The following KCNQ5 variants were observed in gnomAD, a reference collection of about 807,000 sequenced individuals.
KCNQ5 encodes potassium voltage-gated channel subfamily Q member 5.
KCNQ5 carries 30 observed loss-of-function variants against 98.2 expected under a neutral mutation model. The observed-to-expected ratio is 0.31, with a 90% CI of 0.23 to 0.41. KCNQ5 has a LOEUF of 0.41. Ranked by LOEUF, KCNQ5 falls within the 10% of genes least tolerant of loss-of-function variation. The pLI is 1.00. For synonymous variants in KCNQ5, 458 were observed against 449.4 expected (o/e 1.02, Z -0.24); for missense variants, 835 against 1,182.5 (o/e 0.71, Z 4.31).
Position 73,195,543 on chromosome 6 carries a change from C to T in KCNQ5, c.*129C>T, listed in dbSNP as rs895676733. Reference sequence around the variant, plus strand: ...AAGAACATGAAAGGCAGTTTATAAGCCCGTTACCTTTTAATTGCATGAAAA... The same window carrying T: ...AAGAACATGAAAGGCAGTTTATAAGTCCGTTACCTTTTAATTGCATGAAAA... On this transcript the variant is annotated 3_prime_UTR_variant, in exon 14 of 14. Transcript: ENST00000370398. The T allele has an allele frequency of 2.5e-5, 30 of 1,192,398 alleles. No individual in the cohort carries two copies. In the African/African-American group the frequency reaches 4.1e-4, roughly 16 times the overall value. 73.9% of individuals were successfully genotyped at this position (1,192,398 alleles called of 1,614,324 possible).
intron 9 of KCNQ5, chr6:73,129,940 C>A: frequency 1.0e-6 from 1 of 988,372 alleles, no homozygotes; most frequent in Non-Finnish European, 1.6e-6. Flanking sequence ...CCACCTGAGC[C>A]CTGTTCAGAG....
chr6:72,773,159 C>G (rs2154477530), intron 1 of KCNQ5, among the ~76,000 whole-genome samples: 1 of 152,286 alleles, frequency 6.6e-6, no homozygotes, highest in East Asian at 1.9e-4. Context: ...ATAAATCATT[C>G]TACTACAAAG....
intron 7 of KCNQ5, among the ~76,000 whole-genome samples, chr6:73,117,589 T>A (rs982090937): frequency 6.6e-6 from 1 of 152,252 alleles, no homozygotes; most frequent in Non-Finnish European, 1.5e-5. Context: ...TCTGTTGTTT[T>A]GGATTTTTTC....
intron 1 of KCNQ5, among the ~76,000 whole-genome samples, chr6:72,902,929 G>A (rs1328334768): frequency 6.6e-6 from 1 of 151,930 alleles, no homozygotes; most frequent in African/African-American, 2.4e-5. Context: ...TTATTTGAGT[G>A]TCGGGTAGAA....
chr6:72,910,935 G>A (rs1347420128), intron 1 of KCNQ5, among the ~76,000 whole-genome samples: 1 of 152,150 alleles, frequency 6.6e-6, no homozygotes, highest in Non-Finnish European at 1.5e-5. Context: ...TTGCAAGGGA[G>A]GATAAGTGAA....
At chr6:73,030,801 C>A (rs983019696) in intron 2 of KCNQ5, among the ~76,000 whole-genome samples, 4 of 152,176 alleles carry the variant, frequency 2.6e-5, no homozygotes, top group African/African-American at 9.7e-5. Flanking sequence ...CCTGCCAATA[C>A]CCTTTTCTCC....
chr6:72,670,557 A>G (rs1767051206), intron 1 of KCNQ5, among the ~76,000 whole-genome samples: 1 of 152,186 alleles, frequency 6.6e-6, no homozygotes, highest in Non-Finnish European at 1.5e-5. Context: ...CTGCCATAAT[A>G]AAATGCCATA....
At chr6:72,858,134 C>T (rs569709637) in intron 1 of KCNQ5, among the ~76,000 whole-genome samples, 34 of 152,270 alleles carry the variant, frequency 2.2e-4, no homozygotes, top group African/African-American at 8.2e-4. Flanking sequence ...ATATGGAGTA[C>T]ACCTTAGAAT....
At chr6:73,157,927 A>T (rs1777434231) in intron 10 of KCNQ5, 1 of 773,712 alleles carries the variant, frequency 1.3e-6, no homozygotes, top group South Asian at 1.3e-5. Context: ...GCTGTCAAAG[A>T]TCACAAAACA....
At chr6:72,962,985 G>GA (rs1767445878) in intron 1 of KCNQ5, among the ~76,000 whole-genome samples, 1 of 151,630 alleles carries the variant, frequency 6.6e-6, no homozygotes, top group African/African-American at 2.4e-5. Context: ...CTTCTCAGAG[G>GA]AAAAAAATGG....
At position 73,157,713 on chromosome 6, in the gene KCNQ5, C is replaced by A. The variant is rs1253654099; in HGVS notation, c.1469-12033C>A. 4 of 776,630 alleles carry A rather than the reference C, an allele frequency of 5.2e-6. No homozygotes were observed. The East Asian group carries it at 7.3e-5, about 14-fold the overall frequency. 48.1% of individuals were successfully genotyped at this position (776,630 alleles called of 1,614,324 possible). The stretch of plus-strand genomic sequence containing the variant: ...CTGGGCATGCAGGCATCAGAGCAGC[C>A]CCCATCAGGTCATAGGGGTCCCGAG... On this transcript the variant is annotated intron_variant, in intron 10 of 13. Coordinates refer to ENST00000370398, the MANE Select transcript of KCNQ5 (RefSeq NM_019842.4).
At chr6:72,792,432 T>C (rs1263243021) in intron 1 of KCNQ5, among the ~76,000 whole-genome samples, 3 of 152,202 alleles carry the variant, frequency 2.0e-5, no homozygotes, top group African/African-American at 4.8e-5. Flanking sequence ...TTTTCATAGG[T>C]CTTTTACAGT....
intron 1 of KCNQ5, among the ~76,000 whole-genome samples, chr6:72,623,900 G>GA (rs1326938432): frequency 6.6e-6 from 1 of 152,174 alleles, no homozygotes; most frequent in East Asian, 1.9e-4. Flanking sequence ...AACGTGTTTT[G>GA]AAATAACATG....
chr6:72,658,823 A>G (rs1335139650), intron 1 of KCNQ5, among the ~76,000 whole-genome samples: 1 of 151,614 alleles, frequency 6.6e-6, no homozygotes, highest in Non-Finnish European at 1.5e-5. Flanking sequence ...CAGGTAATCC[A>G]CCTGCCTCAG....
intron 1 of KCNQ5, chr6:72,987,822 T>G (rs947137319): frequency 5.6e-5 from 18 of 319,750 alleles, no homozygotes; most frequent in African/African-American, 6.8e-5. Context: ...AGATTACAAG[T>G]TTTTTTTGGT....
intron 11 of KCNQ5, among the ~76,000 whole-genome samples, chr6:73,179,391 C>T (rs190191546): frequency 6.1e-4 from 93 of 152,234 alleles, no homozygotes; most frequent in Admixed American, 1.2e-3. Context: ...CCACCAGTTC[C>T]TCTCTCATGA....
At chr6:72,738,167 T>G (rs541901221) in intron 1 of KCNQ5, among the ~76,000 whole-genome samples, 2 of 151,740 alleles carry the variant, frequency 1.3e-5, no homozygotes, top group South Asian at 4.2e-4. Context: ...AAAAAAAAAT[T>G]TGTTACTTAT....
chr6:72,732,371 G>A (rs1175937227), intron 1 of KCNQ5, among the ~76,000 whole-genome samples: 2 of 152,002 alleles, frequency 1.3e-5, no homozygotes, highest in South Asian at 2.1e-4. Flanking sequence ...TGCAGGGGAG[G>A]GTGTGGATGT....
At chr6:73,125,614 C>A in intron 9 of KCNQ5, 1 of 223,996 alleles carries the variant, frequency 4.5e-6, no homozygotes, top group South Asian at 6.5e-5. Flanking sequence ...TATATTTATG[C>A]AATACTGAAG....
Sources: gnomAD v4.1 joint callset for allele counts (sites outside exome capture counted in the v4.1 genomes callset) on GRCh38, gnomAD v4.1.1 for gene constraint, MANE v1.5 for transcripts, NCBI Gene and HGNC (gene_info 2026-07-23, HGNC 2026-07-21) for gene names.